The following MRPS25 variants were observed in gnomAD, a reference collection of about 807,000 sequenced individuals.
MRPS25 encodes small ribosomal subunit protein mS25.
In MRPS25, 15 loss-of-function variants were observed where a neutral mutation model predicts 17.3. The observed-to-expected ratio is 0.87, with a 90% CI of 0.58 to 1.34. MRPS25 has a LOEUF of 1.34. MRPS25 is among the 40% of genes most tolerant of loss of function. The pLI is 0.00. For synonymous variants in MRPS25, 94 were observed against 83.3 expected, an observed-to-expected ratio of 1.13 and a Z score of -0.70; for missense variants, 225 against 218.6, an observed-to-expected ratio of 1.03 and a Z score of -0.19.
intron 1 of MRPS25, among the ~76,000 whole-genome samples, chr3:15,061,362 C>T (rs572509949): frequency 2.8e-4 from 42 of 152,284 alleles, no homozygotes; most frequent in Non-Finnish European, 3.8e-4. Context: ...ATTGCAGGCG[C>T]GCGCTGCCAC....
chr3:15,061,544 G>A (rs2042759145), intron 1 of MRPS25, among the ~76,000 whole-genome samples: 1 of 152,206 alleles, frequency 6.6e-6, no homozygotes, highest in South Asian at 2.1e-4. Context: ...CTGGAGTGCA[G>A]TGGCATGATC....
intron 1 of MRPS25, among the ~76,000 whole-genome samples, chr3:15,063,591 A>C (rs994902242): frequency 6.6e-6 from 1 of 152,210 alleles, no homozygotes; most frequent in Non-Finnish European, 1.5e-5. Flanking sequence ...ACAAAGAAAC[A>C]GTGAATGGCT....
Position 15,050,898 on chromosome 3 carries a change from C to A in MRPS25, c.*1543G>T. 1 of 985,366 alleles carries A rather than the reference C, an allele frequency of 1.0e-6. No individual in the cohort carries two copies. The highest frequency in any genetic ancestry group is 1.2e-6 in the Non-Finnish European group (1 of 829,924). The allele number at this position is 985,366 out of a possible 1,614,324, so 61.0% of individuals were successfully genotyped here. On this transcript the variant is annotated 3_prime_UTR_variant, in exon 4 of 4. Transcript: ENST00000253686. ...ATCTCCAACAGTTAATGAAACACAT[C>A]GTAGTATGACATCATTTCACCAGCC...
rs758043749 is a variant in MRPS25 at position 15,053,376 on chromosome 3, T to A, written c.329+4A>T. The A allele has an allele frequency of 1.9e-6, 3 of 1,614,112 alleles. No homozygotes were observed. In the South Asian group the frequency reaches 3.3e-5, roughly 18 times the overall value. On this transcript the variant is annotated splice_donor_region_variant and intron_variant, in intron 3 of 3. Coordinates refer to ENST00000253686, the MANE Select transcript of MRPS25 (RefSeq NM_022497.5). Reference sequence around the variant, plus strand: ...TTCCTTCCAGGTCAAACCAAACAACTCACTCATTCTTCCCCAAGATTTTTC... The same window carrying A: ...TTCCTTCCAGGTCAAACCAAACAACACACTCATTCTTCCCCAAGATTTTTC...
downstream of MRPS25, chr3:15,047,357 C>T (rs940996451): frequency 6.6e-6 from 1 of 152,146 alleles, no homozygotes; most frequent in African/African-American, 2.4e-5. Flanking sequence ...GTGACATTTC[C>T]GTATATTCTC....
downstream of MRPS25, chr3:15,044,773 G>A (rs539176279): frequency 2.6e-5 from 4 of 152,350 alleles, no homozygotes; most frequent in Non-Finnish European, 5.9e-5. Context: ...ACGCCCCTGT[G>A]GTGCCACATT....
intron 1 of MRPS25, among the ~76,000 whole-genome samples, chr3:15,061,159 G>C (rs1356730128): frequency 6.6e-6 from 1 of 152,146 alleles, no homozygotes. Context: ...GGTTCTTGCT[G>C]AAACACAAGA....
intron 2 of MRPS25, among the ~76,000 whole-genome samples, chr3:15,059,152 G>A (rs1185652537): frequency 6.6e-6 from 1 of 152,070 alleles, no homozygotes; most frequent in African/African-American, 2.4e-5. Flanking sequence ...CCCATGGTGT[G>A]AGGCAGAGGG....
Position 15,064,553 on chromosome 3 carries a change from C to G in MRPS25, c.134+508G>C, listed in dbSNP as rs564718914. Among the ~76,000 whole-genome samples the G allele has an allele frequency of 1.4e-4, 22 of 152,360 alleles. No individual in the cohort carries two copies. In the South Asian group the frequency reaches 3.9e-3, roughly 27 times the overall value. ...TACTTAACCTCTCTGTGCGCTTCCCCAGCCTTAGAGTGGGGATAAGCTGGG... is the reference window on the plus strand; with the variant it reads ...TACTTAACCTCTCTGTGCGCTTCCCGAGCCTTAGAGTGGGGATAAGCTGGG... On this transcript the variant is annotated intron_variant, in intron 1 of 3. Coordinates refer to ENST00000253686, the MANE Select transcript of MRPS25 (RefSeq NM_022497.5).
At position 15,053,170 on chromosome 3, in the gene MRPS25, C is replaced by T. The variant is rs900109899; in HGVS notation, c.329+210G>A. On this transcript the variant is annotated intron_variant, in intron 3 of 3. Transcript: ENST00000253686. ...GGAGAGAGGTACTTCTCACACTGTA[C>T]AGCCAAGGGAGATAAAGCTTACAGA... The T allele has an allele frequency of 1.1e-5, 13 of 1,168,758 alleles. No homozygotes were observed. The African/African-American group carries it at 1.7e-4, about 15-fold the overall frequency. The allele number at this position is 1,168,758 out of a possible 1,614,324, so 72.4% of individuals were successfully genotyped here.
chr3:15,042,812 C>G (rs746790602), downstream of MRPS25: 11 of 1,607,900 alleles, frequency 6.8e-6, no homozygotes, highest in East Asian at 2.2e-4. Context: ...GTCTCCTTTT[C>G]TAATGACACT....
At chr3:15,061,635 C>T (rs1390206074) in intron 1 of MRPS25, among the ~76,000 whole-genome samples, 1 of 152,096 alleles carries the variant, frequency 6.6e-6, no homozygotes, top group Non-Finnish European at 1.5e-5. Flanking sequence ...GCCCGGCCAC[C>T]ACCCCGTCTG....
downstream of MRPS25, chr3:15,042,696 C>A: frequency 1.4e-6 from 1 of 698,070 alleles, no homozygotes; most frequent in Admixed American, 2.9e-5. Flanking sequence ...CTGTTGAAAT[C>A]AGAAAAGAGA....
downstream of MRPS25, chr3:15,047,084 T>C (rs2042483177): frequency 6.5e-6 from 1 of 152,678 alleles, no homozygotes; most frequent in Non-Finnish European, 1.5e-5. Context: ...TCTCCATATG[T>C]ACAGTGTATA....
downstream of MRPS25, chr3:15,043,834 C>G (rs558066720): frequency 1.3e-5 from 2 of 152,362 alleles, no homozygotes; most frequent in Admixed American, 1.3e-4. Context: ...AATTGGATTG[C>G]AACTAGTCAG....
At position 15,053,446 on chromosome 3, in the gene MRPS25, A is replaced by C; in HGVS notation, c.263T>G (p.Val88Gly). ...CTTATTGCTCTTGGTCTCCACATCC[A>C]CCAGGACCTGCTCCCCAGAATCTGG... ...FYLDSGEQVL[V>G]DVETKSNKEI... The change falls in exon 3 of 4, where the codon GTG (valine) becomes GGG (glycine). Residue 88 changes from valine to glycine, a missense_variant. Coordinates refer to ENST00000253686, the MANE Select transcript of MRPS25 (RefSeq NM_022497.5). 2 of 1,614,210 alleles carry C rather than the reference A, an allele frequency of 1.2e-6. No individual in the cohort carries two copies. Among genetic ancestry groups the C allele is most frequent in the Non-Finnish European group, 1.7e-6 (2 of 1,180,046 alleles).
intron 1 of MRPS25, among the ~76,000 whole-genome samples, chr3:15,063,409 G>A (rs115004319): frequency 0.015 from 2,323 of 152,298 alleles, 65 homozygotes; most frequent in African/African-American, 0.051. Context: ...CAGGCACTTG[G>A]GATGGAGGTA....
chr3:15,062,920 CACAA>C (rs1439372590), intron 1 of MRPS25, among the ~76,000 whole-genome samples: 6 of 151,976 alleles, frequency 3.9e-5, no homozygotes, highest in Non-Finnish European at 8.8e-5. Flanking sequence ...TACCCAGGGA[CACAA>C]ACACTCTGCC....
At chr3:15,059,955 T>C (rs1218308018) in intron 1 of MRPS25, among the ~76,000 whole-genome samples, 1 of 150,358 alleles carries the variant, frequency 6.7e-6, no homozygotes, top group Non-Finnish European at 1.5e-5. Context: ...TTTAAACAGA[T>C]TTATACTCCA....
Sources: allele counts gnomAD v4.1 joint callset (sites outside exome capture counted in the v4.1 genomes callset), GRCh38; gene constraint gnomAD v4.1.1; transcripts MANE v1.5; gene names NCBI Gene and HGNC (gene_info 2026-07-23, HGNC 2026-07-21).